Variants in GABRA5 observed in about 807,000 individuals in gnomAD.
GABRA5 encodes gamma-aminobutyric acid type A receptor subunit alpha5.
A neutral mutation model predicts 47.3 loss-of-function variants in GABRA5; 18 were observed. The observed-to-expected ratio is 0.38, with a 90% CI of 0.26 to 0.56. The LOEUF (loss-of-function observed/expected upper bound fraction) is 0.56, where lower values mean the gene tolerates loss of function less well. GABRA5 is among the 20% of genes least tolerant of loss of function. The probability of loss-of-function intolerance (pLI) is 0.71; values close to 1 mark genes in which losing one functional copy is unlikely to be tolerated. For missense variants in GABRA5, 365 were observed against 599.3 expected, an observed-to-expected ratio of 0.61 and a Z score of 4.08; for synonymous variants, 237 against 229.3, an observed-to-expected ratio of 1.03 and a Z score of -0.30.
chr15:26,869,731 A>G (rs1892416750), intron 3 of GABRA5, among the ~76,000 whole-genome samples: 1 of 152,226 alleles, frequency 6.6e-6, no homozygotes, highest in Non-Finnish European at 1.5e-5. Flanking sequence ...CCATTATGCA[A>G]TCAAAGTTGC....
chr15:26,896,387 C>G (rs1893194367), intron 6 of GABRA5, among the ~76,000 whole-genome samples: 1 of 152,190 alleles, frequency 6.6e-6, no homozygotes, highest in African/African-American at 2.4e-5. Flanking sequence ...GTGTCAGTCT[C>G]TCTCCCATCA....
chr15:26,914,264 G>C (rs1195476936), intron 6 of GABRA5, among the ~76,000 whole-genome samples: 1 of 152,128 alleles, frequency 6.6e-6, no homozygotes, highest in Non-Finnish European at 1.5e-5. Flanking sequence ...TTATAGCCAG[G>C]TTCCGGTCAA....
intron 6 of GABRA5, among the ~76,000 whole-genome samples, chr15:26,888,655 C>G (rs1892935224): frequency 6.6e-6 from 1 of 152,194 alleles, no homozygotes; most frequent in South Asian, 2.1e-4. Flanking sequence ...GTTTCAGAGA[C>G]CCCACCAGAT....
At chr15:26,908,967 G>C (rs891875820) in intron 6 of GABRA5, among the ~76,000 whole-genome samples, 36 of 152,166 alleles carry the variant, frequency 2.4e-4, no homozygotes, top group African/African-American at 8.4e-4. Context: ...ATAACTGCTG[G>C]TCATTAGACT....
intron 6 of GABRA5, among the ~76,000 whole-genome samples, chr15:26,902,712 G>T (rs1483363847): frequency 6.6e-6 from 1 of 152,056 alleles, no homozygotes; most frequent in East Asian, 1.9e-4. Context: ...TCCTTGCCTT[G>T]TTCCTGATCT....
rs1015471190 is a variant in GABRA5, at chr15:26,948,579, T to C, written c.*346T>C. The C allele has an allele frequency of 7.1e-5, 14 of 196,596 alleles. No individual in the cohort carries two copies. The highest frequency in any genetic ancestry group is 1.4e-4 in the Non-Finnish European group (13 of 95,584). 12.2% of individuals were successfully genotyped at this position (196,596 alleles called of 1,614,324 possible). A position where few individuals can be genotyped will look rare whatever the true frequency, so the allele number is the denominator to read the frequency against. On this transcript the variant is annotated 3_prime_UTR_variant, in exon 11 of 11. Coordinates refer to ENST00000335625, the MANE Select transcript of GABRA5 (RefSeq NM_000810.4). ...AATGTTTTTTATACTTCAAATGTCATTTCATACAAATTTTCCCAGTGAATA... is the reference window on the plus strand; with the variant it reads ...AATGTTTTTTATACTTCAAATGTCACTTCATACAAATTTTCCCAGTGAATA...
chr15:26,878,649 C>G (rs1005906040), intron 3 of GABRA5, among the ~76,000 whole-genome samples: 1 of 152,184 alleles, frequency 6.6e-6, no homozygotes, highest in Non-Finnish European at 1.5e-5. Flanking sequence ...ATGGCCCCAT[C>G]GTACAAAGAA....
intron 10 of GABRA5, among the ~76,000 whole-genome samples, chr15:26,944,998 C>T (rs962765114): frequency 6.6e-6 from 1 of 152,162 alleles, no homozygotes; most frequent in Non-Finnish European, 1.5e-5. Flanking sequence ...CCTCCTGTGG[C>T]GGCTGATCTA....
intron 7 of GABRA5, among the ~76,000 whole-genome samples, chr15:26,915,586 G>T (rs61999582): frequency 0.33 from 49,474 of 151,960 alleles, 8,558 homozygotes; most frequent in East Asian, 0.54. Context: ...AAATATTCTT[G>T]AAATATTTAT....
chr15:26,879,914 C>G (rs528768141), intron 3 of GABRA5, among the ~76,000 whole-genome samples: 1 of 152,136 alleles, frequency 6.6e-6, no homozygotes, highest in Non-Finnish European at 1.5e-5. Context: ...TTGGTAAGTC[C>G]CCTTGAAGCC....
At chr15:26,868,275 G>A (rs2140238378) in intron 1 of GABRA5, among the ~76,000 whole-genome samples, 1 of 152,190 alleles carries the variant, frequency 6.6e-6, no homozygotes, top group Admixed American at 6.5e-5. Flanking sequence ...GCGCCCAGGC[G>A]ACCACCGCAT....
intron 7 of GABRA5, among the ~76,000 whole-genome samples, chr15:26,922,825 A>G (rs1017414703): frequency 1.3e-5 from 2 of 152,162 alleles, no homozygotes; most frequent in African/African-American, 4.8e-5. Context: ...CAATGGGGTG[A>G]TCATAGCACA....
intron 6 of GABRA5, among the ~76,000 whole-genome samples, chr15:26,884,392 G>C (rs1892823414): frequency 6.6e-6 from 1 of 151,952 alleles, no homozygotes; most frequent in Non-Finnish European, 1.5e-5. Context: ...TCAACAAATT[G>C]GTCAATGAGA....
intron 10 of GABRA5, among the ~76,000 whole-genome samples, chr15:26,945,069 C>CT (rs1718736057): frequency 6.6e-6 from 1 of 152,204 alleles, no homozygotes; most frequent in African/African-American, 2.4e-5. Context: ...TGAAAGTGAC[C>CT]TGCACTGTCT....
intron 6 of GABRA5, among the ~76,000 whole-genome samples, chr15:26,886,593 T>C (rs185384629): frequency 5.0e-4 from 76 of 152,224 alleles, no homozygotes; most frequent in African/African-American, 1.6e-3. Context: ...ACACAGCTAG[T>C]GAGGAGGTCA....
intron 3 of GABRA5, among the ~76,000 whole-genome samples, chr15:26,869,716 C>T (rs966928338): frequency 8.5e-5 from 13 of 152,358 alleles, no homozygotes; most frequent in African/African-American, 2.6e-4. Flanking sequence ...TTGCCCTCCA[C>T]GGTTCCATTA....
At chr15:26,871,415 T>C (rs7180104) in intron 3 of GABRA5, among the ~76,000 whole-genome samples, 4,948 of 152,282 alleles carry the variant, frequency 0.032, 295 homozygotes, top group African/African-American at 0.11. Context: ...AGGGGTATCT[T>C]AGTCTCTGAA....
chr15:26,893,489 G>T (rs947446103), intron 6 of GABRA5, among the ~76,000 whole-genome samples: 1 of 139,388 alleles, frequency 7.2e-6, no homozygotes, highest in Non-Finnish European at 1.6e-5. Context: ...AGCAGGGCAC[G>T]GCCTGGGCCT....
chr15:26,881,149 G>C (rs374511789), intron 4 of GABRA5, among the ~76,000 whole-genome samples, 182 bp downstream of exon 4: 58 of 152,242 alleles, frequency 3.8e-4, no homozygotes, highest in African/African-American at 1.3e-3. Context: ...CTAGACGCAA[G>C]ATCCTTTGTT....
Sources: allele counts gnomAD v4.1 joint callset (sites outside exome capture counted in the v4.1 genomes callset), GRCh38; gene constraint gnomAD v4.1.1; transcripts MANE v1.5; gene names NCBI Gene and HGNC (gene_info 2026-07-23, HGNC 2026-07-21).